SPECC1: variants seen among roughly 807,000 people sequenced by gnomAD.
The protein encoded by SPECC1 is sperm antigen with calponin homology and coiled-coil domains 1, also known as cytospin-B.
A neutral mutation model predicts 104.1 loss-of-function variants in SPECC1; 62 were observed. The observed-to-expected ratio is 0.60, with a 90% CI of 0.49 to 0.74. The LOEUF (loss-of-function observed/expected upper bound fraction) is 0.74, where lower values mean the gene tolerates loss of function less well. SPECC1 is among the 30% of genes least tolerant of loss of function. The probability of loss-of-function intolerance (pLI) is 0.00; values close to 1 mark genes in which losing one functional copy is unlikely to be tolerated. For missense variants in SPECC1, 1,306 were observed against 1,310.5 expected, an observed-to-expected ratio of 1.00 and a Z score of 0.05; for synonymous variants, 513 against 501.6, an observed-to-expected ratio of 1.02 and a Z score of -0.30.
chr17:20,156,505 C>A (rs1419848136), intron 3 of SPECC1, among the ~76,000 whole-genome samples: 1 of 152,128 alleles, frequency 6.6e-6, no homozygotes, highest in Admixed American at 6.5e-5. Context: ...CGCGGGGTTC[C>A]CCACTCCGCG....
rs142437760 is a variant in SPECC1 at position 20,300,488 on chromosome 17, A to G, written c.3057+3411A>G. ...GTGAAGCCCACACATGCACACACCT[A>G]CGTCCTCCTGACAGTGTGTGTGCGT... On this transcript the variant is annotated intron_variant, in intron 13 of 14. Coordinates refer to ENST00000395527, the MANE Select transcript of SPECC1 (RefSeq NM_001243439.2). 6.7e-3 allele frequency among the ~76,000 whole-genome samples: 1,016 copies of G among 152,366 alleles called. 11 individuals are homozygous for G. Among genetic ancestry groups the G allele is most frequent in the African/African-American group, 0.023 (968 of 41,590 alleles).
chr17:20,174,737 C>T (rs1245388490), intron 3 of SPECC1, among the ~76,000 whole-genome samples: 1 of 152,042 alleles, frequency 6.6e-6, no homozygotes, highest in Non-Finnish European at 1.5e-5. Context: ...AAAGTTTATT[C>T]TCGGGGAGGT....
intron 3 of SPECC1, among the ~76,000 whole-genome samples, chr17:20,117,179 G>A (rs144489558): frequency 1.6e-3 from 245 of 152,080 alleles, no homozygotes; most frequent in Middle Eastern, 6.8e-3. Flanking sequence ...AAATGTGACC[G>A]AGTAAGTATT....
At chr17:20,301,192 A>G (rs1347968588) in intron 13 of SPECC1, among the ~76,000 whole-genome samples, 2 of 152,168 alleles carry the variant, frequency 1.3e-5, no homozygotes, top group South Asian at 2.1e-4. Context: ...CCCAACAGGC[A>G]GACTCGTACC....
intron 1 of SPECC1, chr17:20,056,735 A>T (rs2045979970): frequency 6.6e-6 from 1 of 152,256 alleles, no homozygotes; most frequent in Non-Finnish European, 1.5e-5. Flanking sequence ...TTGAAGGATA[A>T]GATGAGGAAA....
chr17:20,175,824 T>A (rs1469591652), intron 3 of SPECC1, among the ~76,000 whole-genome samples: 1 of 152,168 alleles, frequency 6.6e-6, no homozygotes, highest in Non-Finnish European at 1.5e-5. Flanking sequence ...TGGATGCACA[T>A]GTAGGGTAGG....
At chr17:20,144,068 TGACACACTCCTGG>T (rs1825631563) in intron 3 of SPECC1, among the ~76,000 whole-genome samples, 1 of 151,674 alleles carries the variant, frequency 6.6e-6, no homozygotes, top group South Asian at 2.1e-4. Flanking sequence ...TGAGAAAAGG[TGACACACTCCTGG>T]GACTCCCAGA....
At chr17:20,086,766 G>C (rs115921116) in intron 1 of SPECC1, among the ~76,000 whole-genome samples, 1 of 152,174 alleles carries the variant, frequency 6.6e-6, no homozygotes, top group Non-Finnish European at 1.5e-5. Flanking sequence ...GTGCTCAGCA[G>C]TGCGGGGGAA....
In SPECC1 at chr17:20,069,617, AT is replaced by A. The variant is rs923318681; in HGVS notation, c.-21-27013del. Among the ~76,000 whole-genome samples, 90 of 152,264 alleles carry A rather than the reference AT, an allele frequency of 5.9e-4. 1 individual carries two copies. Among genetic ancestry groups the A allele is most frequent in the African/African-American group, 2.1e-3 (87 of 41,550 alleles). On this transcript the variant is annotated intron_variant, in intron 1 of 14. Transcript: ENST00000395527. Reference sequence around the variant, plus strand: ...CTGTCTCCCATTGAATTGTCCTAGCATCCTTGTTGAAAATCAACTGCCCATA... The same window carrying A: ...CTGTCTCCCATTGAATTGTCCTAGCACCTTGTTGAAAATCAACTGCCCATA...
chr17:20,272,206 A>C (rs1374948467), intron 12 of SPECC1, among the ~76,000 whole-genome samples: 1 of 151,920 alleles, frequency 6.6e-6, no homozygotes, highest in African/African-American at 2.4e-5. Context: ...TTTTCTGGAA[A>C]TCCCCCTGGC....
chr17:20,308,321 A>G (rs970244273), intron 14 of SPECC1, among the ~76,000 whole-genome samples: 1 of 136,504 alleles, frequency 7.3e-6, no homozygotes. Flanking sequence ...CCCAGGAGGC[A>G]GAGGTTGCAG....
chr17:20,257,419 G>A, intron 10 of SPECC1, 32 bp from the exon 11 acceptor site: 1 of 1,543,024 alleles, frequency 6.5e-7, no homozygotes, highest in Non-Finnish European at 8.7e-7. Flanking sequence ...CTGCTTCTTT[G>A]GGAATGAGTG....
intron 7 of SPECC1, among the ~76,000 whole-genome samples, chr17:20,241,102 G>A (rs2039180475): frequency 2.0e-5 from 3 of 152,312 alleles, no homozygotes; most frequent in East Asian, 1.9e-4. Context: ...TGACTTAAAC[G>A]TGTTGGGAGG....
intron 8 of SPECC1, among the ~76,000 whole-genome samples, chr17:20,246,437 T>C (rs896385800): frequency 1.3e-5 from 2 of 152,220 alleles, no homozygotes; most frequent in Admixed American, 1.3e-4. Flanking sequence ...CTTCATCTCC[T>C]AGGAAACGAG....
intron 1 of SPECC1, among the ~76,000 whole-genome samples, chr17:20,033,802 G>T (rs1407572198): frequency 6.6e-6 from 1 of 152,168 alleles, no homozygotes; most frequent in African/African-American, 2.4e-5. Flanking sequence ...ATGAGACTCG[G>T]TGGGGCCAAA....
intron 3 of SPECC1, among the ~76,000 whole-genome samples, chr17:20,124,347 G>A (rs1333400555): frequency 6.6e-6 from 1 of 152,170 alleles, no homozygotes; most frequent in Non-Finnish European, 1.5e-5. Context: ...GAAGGCAGTG[G>A]TGGGATTCAT....
intron 14 of SPECC1, among the ~76,000 whole-genome samples, chr17:20,311,601 C>T (rs2041936658): frequency 6.6e-6 from 1 of 152,058 alleles, no homozygotes; most frequent in Non-Finnish European, 1.5e-5. Context: ...ACATGTTTGC[C>T]AGGCCTGCCT....
intron 3 of SPECC1, among the ~76,000 whole-genome samples, chr17:20,194,876 G>T (rs1326778557): frequency 6.6e-6 from 1 of 152,078 alleles, no homozygotes; most frequent in Non-Finnish European, 1.5e-5. Flanking sequence ...ACAACTAGTT[G>T]CCAAATTCTG....
intron 1 of SPECC1, among the ~76,000 whole-genome samples, chr17:20,065,559 C>T (rs2046329971): frequency 6.6e-6 from 1 of 152,226 alleles, no homozygotes; most frequent in Non-Finnish European, 1.5e-5. Flanking sequence ...CCTGGGTGCA[C>T]TACCCTCCAG....
Sources: gnomAD v4.1 joint callset for allele counts (sites outside exome capture counted in the v4.1 genomes callset) on GRCh38, gnomAD v4.1.1 for gene constraint, MANE v1.5 for transcripts, NCBI Gene and HGNC (gene_info 2026-07-23, HGNC 2026-07-21) for gene names.